The following DGKI variants were observed in gnomAD, a reference collection of about 807,000 sequenced individuals.
DGKI encodes DAG kinase iota.
In DGKI, 55 loss-of-function variants were observed where a neutral mutation model predicts 147.5. The observed-to-expected ratio is 0.37, with a 90% CI of 0.30 to 0.47. The LOEUF is 0.47. Ranked by LOEUF, DGKI falls within the 20% of genes least tolerant of loss-of-function variation. The pLI is 1.00. For missense variants in DGKI, 1,007 were observed against 1,323.8 expected, an observed-to-expected ratio of 0.76 and a Z score of 3.71; for synonymous variants, 469 against 477.1, an observed-to-expected ratio of 0.98 and a Z score of 0.22.
At chr7:137,830,742 ATCCTGAATG>A (rs1286016365) in intron 1 of DGKI, among the ~76,000 whole-genome samples, 3 of 152,242 alleles carry the variant, frequency 2.0e-5, no homozygotes, top group Admixed American at 2.0e-4. Context: ...AAAGGGTATT[ATCCTGAATG>A]TCCTCCAGAA....
At chr7:137,552,706 C>A (rs1818089498) in intron 19 of DGKI, 138 bp from the exon 20 acceptor site, 2 of 787,004 alleles carry the variant, frequency 2.5e-6, no homozygotes, top group Non-Finnish European at 4.0e-6. Context: ...GTCAGGAGTT[C>A]CAGAGCAGCC....
intron 19 of DGKI, 124 bp from the exon 20 acceptor site, chr7:137,552,692 G>C: frequency 1.1e-6 from 1 of 949,472 alleles, no homozygotes. Context: ...GTGGATCACC[G>C]GTGGTCAGGA....
At chr7:137,451,047 C>T (rs1813933287) in intron 27 of DGKI, among the ~76,000 whole-genome samples, 1 of 152,056 alleles carries the variant, frequency 6.6e-6, no homozygotes, top group Non-Finnish European at 1.5e-5. Context: ...CATACTGAAA[C>T]CAGCACAGTC....
intron 20 of DGKI, among the ~76,000 whole-genome samples, chr7:137,547,166 T>C (rs1817893645): frequency 6.6e-6 from 1 of 152,250 alleles, no homozygotes; most frequent in African/African-American, 2.4e-5. Flanking sequence ...CATATGAATA[T>C]GAACCTAGAT....
At chr7:137,833,642 G>T (rs1377308101) in intron 1 of DGKI, among the ~76,000 whole-genome samples, 1 of 152,178 alleles carries the variant, frequency 6.6e-6, no homozygotes, top group Non-Finnish European at 1.5e-5. Flanking sequence ...TCCTACCAGG[G>T]CACTGCCAGT....
chr7:137,460,216 T>C (rs940947672), intron 27 of DGKI, among the ~76,000 whole-genome samples: 3 of 152,188 alleles, frequency 2.0e-5, no homozygotes, highest in African/African-American at 7.2e-5. Flanking sequence ...GATTCATCAG[T>C]ACTCTAACTG....
intron 20 of DGKI, among the ~76,000 whole-genome samples, chr7:137,525,909 T>C (rs1447484494): frequency 2.0e-5 from 3 of 152,000 alleles, no homozygotes; most frequent in Non-Finnish European, 4.4e-5. Context: ...ATTGTCTAGC[T>C]TGGCTGGTGG....
At chr7:137,606,324 A>G (rs747312416) in intron 10 of DGKI, among the ~76,000 whole-genome samples, 5 of 152,042 alleles carry the variant, frequency 3.3e-5, no homozygotes, top group Non-Finnish European at 7.4e-5. Context: ...AAAAAAAAGA[A>G]AAAAAAAGTC....
chr7:137,662,288 G>A (rs1355234780), intron 3 of DGKI, among the ~76,000 whole-genome samples: 7 of 150,364 alleles, frequency 4.7e-5, no homozygotes, highest in African/African-American at 1.7e-4. Flanking sequence ...TGTTGCCCGG[G>A]GTTGGAGTGC....
intron 28 of DGKI, among the ~76,000 whole-genome samples, chr7:137,442,754 A>T (rs1813558145): frequency 6.6e-6 from 1 of 151,960 alleles, no homozygotes; most frequent in Non-Finnish European, 1.5e-5. Context: ...CCAGCCTAAA[A>T]CTCCTTCTCC....
chr7:137,398,983 A>ACAGTCTTTCATCTGGAACTAC (rs1811651439), intron 30 of DGKI, among the ~76,000 whole-genome samples: 1 of 143,586 alleles, frequency 7.0e-6, no homozygotes, highest in Admixed American at 7.5e-5. Context: ...ACATTTCCTC[A>ACAGTCTTTCATCTGGAACTAC]ATTTGTTCCC....
Position 137,827,326 on chromosome 7 carries a change from A to C in DGKI, c.401+19136T>G, listed in dbSNP as rs371857240. Among the ~76,000 whole-genome samples the C allele has an allele frequency of 2.8e-4, 42 of 152,250 alleles. No individual in the cohort carries two copies. In the South Asian group the frequency reaches 7.9e-3, roughly 29 times the overall value. ...AATCCAAATTCTTCTGATGGCATTC[A>C]AAGTCCTCCATAATGAGCATTTAAC... On this transcript the variant is annotated intron_variant, in intron 1 of 32. Coordinates refer to ENST00000614521, the MANE Select transcript of DGKI (RefSeq NM_001321708.2).
intron 19 of DGKI, among the ~76,000 whole-genome samples, chr7:137,562,225 A>AG (rs112741414): frequency 0.059 from 8,832 of 150,918 alleles, 627 homozygotes; most frequent in African/African-American, 0.17. Flanking sequence ...GGAATGTGAA[A>AG]GATGTATGGA....
At chr7:137,707,623 T>C (rs947490990) in intron 1 of DGKI, among the ~76,000 whole-genome samples, 5 of 152,166 alleles carry the variant, frequency 3.3e-5, no homozygotes, top group Non-Finnish European at 7.3e-5. Flanking sequence ...CTCCACCCTC[T>C]TTTTCTTCCT....
At chr7:137,550,576 G>GAA (rs5887843) in intron 20 of DGKI, among the ~76,000 whole-genome samples, 1 of 151,866 alleles carries the variant, frequency 6.6e-6, no homozygotes, top group African/African-American at 2.4e-5. Flanking sequence ...AGTACAAAAA[G>GAA]AAAAAAATTC....
intron 21 of DGKI, chr7:137,493,740 C>T (rs755765527): frequency 4.1e-5 from 29 of 701,086 alleles, no homozygotes; most frequent in South Asian, 3.7e-4. Flanking sequence ...AAAGAACCAG[C>T]GCGAGAACTC....
chr7:137,531,537 A>G (rs1247916644), intron 20 of DGKI, among the ~76,000 whole-genome samples: 1 of 152,190 alleles, frequency 6.6e-6, no homozygotes, highest in Non-Finnish European at 1.5e-5. Flanking sequence ...CCAATGAGAC[A>G]TAAGAGGACA....
At chr7:137,422,606 T>TC (rs1474501262) in intron 28 of DGKI, among the ~76,000 whole-genome samples, 34 of 117,956 alleles carry the variant, frequency 2.9e-4, no homozygotes, top group Non-Finnish European at 4.8e-4. Flanking sequence ...TTTTTTTTTT[T>TC]TTTTTTTTTT....
chr7:137,421,745 T>G (rs1812579695), intron 28 of DGKI, among the ~76,000 whole-genome samples: 1 of 152,264 alleles, frequency 6.6e-6, no homozygotes, highest in Admixed American at 6.5e-5. Flanking sequence ...CACTTTTTTC[T>G]CTTTGTTTTA....
Sources: allele counts gnomAD v4.1 joint callset (sites outside exome capture counted in the v4.1 genomes callset), GRCh38; gene constraint gnomAD v4.1.1; transcripts MANE v1.5; gene names NCBI Gene and HGNC (gene_info 2026-07-23, HGNC 2026-07-21).